CNTNAP2: variants seen among roughly 807,000 people sequenced by gnomAD.
CNTNAP2 encodes the protein contactin-associated protein-like 2.
In CNTNAP2, 98 loss-of-function variants were observed where a neutral mutation model predicts 155.2. The observed-to-expected ratio is 0.63, with a 90% confidence interval of 0.54 to 0.75. CNTNAP2 has a LOEUF of 0.75. Among genes scored for constraint, CNTNAP2 ranks in the 30% least tolerant of loss-of-function variants. The pLI is 0.00. For synonymous variants in CNTNAP2, 651 were observed against 631.2 expected, an observed-to-expected ratio of 1.03 and a Z score of -0.47; for missense variants, 1,727 against 1,688.1, an observed-to-expected ratio of 1.02 and a Z score of -0.40.
chr7:147,349,600 G>T (rs539867035), intron 9 of CNTNAP2, among the ~76,000 whole-genome samples: 1 of 151,716 alleles, frequency 6.6e-6, no homozygotes, highest in Admixed American at 6.6e-5. Context: ...AGAAATGTAT[G>T]TTATTTGTAA....
chr7:147,475,829 C>T (rs571584187), intron 10 of CNTNAP2, among the ~76,000 whole-genome samples: 7 of 152,268 alleles, frequency 4.6e-5, no homozygotes, highest in African/African-American at 1.7e-4. Flanking sequence ...CACTCTTTTT[C>T]TCACATGATA....
chr7:147,958,889 T>C lies in CNTNAP2; in HGVS notation c.2256-18973T>C, dbSNP rs142877550. On this transcript the variant is annotated intron_variant, in intron 14 of 23. Transcript: ENST00000361727. The stretch of plus-strand genomic sequence containing the variant: ...ACCTGGCACTATTGCTAAATACAGA[T>C]TTTTTTGCAGTAAGTGTAGGGTGGA... 5.7e-3 allele frequency among the ~76,000 whole-genome samples: 873 copies of C among 152,226 alleles called. 7 individuals carry two copies. The highest frequency in any genetic ancestry group is 7.0e-3 in the Non-Finnish European group (479 of 68,000).
At chr7:146,936,095 C>T (rs1394427575) in intron 3 of CNTNAP2, among the ~76,000 whole-genome samples, 1 of 152,094 alleles carries the variant, frequency 6.6e-6, no homozygotes, top group Non-Finnish European at 1.5e-5. Context: ...AGACCGGAAA[C>T]CCAAAATGAT....
At chr7:146,756,186 A>C in intron 1 of CNTNAP2, among the ~76,000 whole-genome samples, 1 of 152,100 alleles carries the variant, frequency 6.6e-6, no homozygotes, top group Admixed American at 6.5e-5. Flanking sequence ...ATTTTTGCAC[A>C]TACCTTATAG....
chr7:146,846,559 T>C (rs1169466782), intron 3 of CNTNAP2, among the ~76,000 whole-genome samples: 2 of 152,160 alleles, frequency 1.3e-5, no homozygotes, highest in Non-Finnish European at 2.9e-5. Flanking sequence ...TTGCATATAC[T>C]GTAATGCATC....
At chr7:148,013,851 T>C (rs1307905348) in intron 15 of CNTNAP2, among the ~76,000 whole-genome samples, 1 of 152,180 alleles carries the variant, frequency 6.6e-6, no homozygotes, top group East Asian at 1.9e-4. Context: ...GTGGAATTTC[T>C]TGGTGGCAGT....
chr7:147,463,220 G>C lies in CNTNAP2; in HGVS notation c.1671-22715G>C, dbSNP rs564933641. Among the ~76,000 whole-genome samples, 65 of 152,302 alleles carry C rather than the reference G, an allele frequency of 4.3e-4. No homozygotes were observed. The South Asian group carries it at 0.013, about 31-fold the overall frequency. On this transcript the variant is annotated intron_variant, in intron 10 of 23. Transcript: ENST00000361727. ...TCTTAGAATTGTATGGCAATAGCAA[G>C]CTGTGAGACCTTTGGAAAGCTGTTT...
chr7:147,262,642 A>C (rs534902601), intron 8 of CNTNAP2, among the ~76,000 whole-genome samples: 87 of 152,260 alleles, frequency 5.7e-4, no homozygotes, highest in African/African-American at 1.8e-3. Context: ...GTCTCCACTA[A>C]AAATACAAAA....
intron 10 of CNTNAP2, among the ~76,000 whole-genome samples, chr7:147,453,251 A>C (rs926242086): frequency 3.3e-5 from 5 of 152,190 alleles, no homozygotes; most frequent in African/African-American, 1.2e-4. Flanking sequence ...CTCATTGTTA[A>C]ACATTCAAAC....
At chr7:148,083,206 A>G (rs1803650067) in intron 15 of CNTNAP2, among the ~76,000 whole-genome samples, 1 of 152,210 alleles carries the variant, frequency 6.6e-6, no homozygotes, top group Admixed American at 6.5e-5. Context: ...ACCTGAAAGC[A>G]GAAGGAAAGC....
chr7:146,544,164 A>T (rs1204004338), intron 1 of CNTNAP2, among the ~76,000 whole-genome samples: 1 of 151,974 alleles, frequency 6.6e-6, no homozygotes, highest in Non-Finnish European at 1.5e-5. Context: ...AGAATGTCTA[A>T]TAACACAGAG....
chr7:147,689,591 G>A (rs1375270261), intron 13 of CNTNAP2, among the ~76,000 whole-genome samples: 2 of 151,916 alleles, frequency 1.3e-5, no homozygotes, highest in South Asian at 2.1e-4. Context: ...TTGTTATTGC[G>A]TTATTATATA....
At chr7:147,344,754 T>C (rs79992193) in intron 9 of CNTNAP2, among the ~76,000 whole-genome samples, 4 of 152,020 alleles carry the variant, frequency 2.6e-5, no homozygotes, top group Admixed American at 1.3e-4. Context: ...TATTCTTTGA[T>C]GTTATTACTG....
intron 4 of CNTNAP2, among the ~76,000 whole-genome samples, chr7:147,074,209 G>A (rs891430747): frequency 6.6e-6 from 1 of 151,892 alleles, no homozygotes; most frequent in Non-Finnish European, 1.5e-5. Context: ...TGTTGTTTCT[G>A]GAGATCTCCA....
intron 13 of CNTNAP2, among the ~76,000 whole-genome samples, chr7:147,704,049 A>G (rs1401498154): frequency 7.9e-5 from 12 of 152,118 alleles, no homozygotes; most frequent in Non-Finnish European, 1.6e-4. Flanking sequence ...ATTCTTTTTT[A>G]TTGCCAAATA....
chr7:146,210,849 T>C (rs1799023843), intron 1 of CNTNAP2, among the ~76,000 whole-genome samples: 2 of 151,978 alleles, frequency 1.3e-5, no homozygotes, highest in South Asian at 4.1e-4. Context: ...TTTTTTTTTT[T>C]TCGTGGTCAC....
At chr7:146,632,394 A>G (rs1799524328) in intron 1 of CNTNAP2, among the ~76,000 whole-genome samples, 1 of 152,164 alleles carries the variant, frequency 6.6e-6, no homozygotes, top group African/African-American at 2.4e-5. Context: ...TTTTAGTACT[A>G]AATATAAAAT....
intron 8 of CNTNAP2, among the ~76,000 whole-genome samples, chr7:147,189,831 G>A (rs1245925122): frequency 6.6e-6 from 1 of 151,846 alleles, no homozygotes; most frequent in Non-Finnish European, 1.5e-5. Context: ...TGTAAGCTCC[G>A]CCCCCCAAGT....
At chr7:147,828,963 G>A (rs376783847) in intron 13 of CNTNAP2, among the ~76,000 whole-genome samples, 2 of 152,234 alleles carry the variant, frequency 1.3e-5, no homozygotes, top group East Asian at 3.9e-4. Flanking sequence ...CACTCTGCTA[G>A]GCACGAGTTT....
Sources: allele counts gnomAD v4.1 joint callset (sites outside exome capture counted in the v4.1 genomes callset), GRCh38; gene constraint gnomAD v4.1.1; transcripts MANE v1.5; gene names NCBI Gene and HGNC (gene_info 2026-07-23, HGNC 2026-07-21).